TMEM9: variants seen among roughly 807,000 people sequenced by gnomAD.
The protein encoded by TMEM9 is transmembrane protein 9.
Under a neutral mutation model 22.8 loss-of-function variants are expected in TMEM9, and 13 were observed. That is an observed-to-expected ratio of 0.57 (90% CI 0.37 to 0.91). TMEM9 has a LOEUF of 0.91. Ranked by LOEUF, TMEM9 falls within the 40% of genes least tolerant of loss-of-function variation. TMEM9 has a pLI of 0.01. For missense variants in TMEM9, 182 were observed against 238.1 expected, an observed-to-expected ratio of 0.76 and a Z score of 1.55; for synonymous variants, 88 against 93.0, an observed-to-expected ratio of 0.95 and a Z score of 0.31.
chr1:201,151,083 C>CCCA (rs1359348174), intron 2 of TMEM9, among the ~76,000 whole-genome samples: 2 of 152,178 alleles, frequency 1.3e-5, no homozygotes, highest in Non-Finnish European at 2.9e-5. Flanking sequence ...AGTACCTGCT[C>CCCA]CCACATGTCC....
chr1:201,138,226 C>T (rs1337231895), intron 4 of TMEM9, among the ~76,000 whole-genome samples: 1 of 152,160 alleles, frequency 6.6e-6, no homozygotes, highest in East Asian at 1.9e-4. Context: ...AAGGGGAAGC[C>T]AGGGAGAGCC....
At chr1:201,158,914 A>G (rs1335173821), upstream of TMEM9, among the ~76,000 whole-genome samples, 3 of 152,004 alleles carry the variant, frequency 2.0e-5, no homozygotes, top group African/African-American at 4.8e-5. Context: ...CCCTGTCCCT[A>G]CCGTTGGTGC....
chr1:201,151,460 ACC>A (rs1558115011), intron 2 of TMEM9, among the ~76,000 whole-genome samples: 1 of 152,224 alleles, frequency 6.6e-6, no homozygotes, highest in African/African-American at 2.4e-5. Flanking sequence ...CAGAATACCT[ACC>A]TTTGCCAACT....
Position 201,153,978 on chromosome 1 carries a change from A to T in TMEM9, c.-55T>A. On this transcript the variant is annotated 5_prime_UTR_variant, in exon 1 of 5. Transcript: ENST00000367330. ...CGGACACCTGGAAAAAGAGATACGG[A>T]GTCGGAGAAGGGGAAGGTGGCCACA... The T allele has an allele frequency of 6.4e-7, 1 of 1,563,286 alleles. No homozygotes were observed. The highest frequency in any genetic ancestry group is 2.3e-5 in the East Asian group (1 of 44,022).
At position 201,162,480 on chromosome 1, in the gene TMEM9, C is replaced by T. The variant is rs1425822880; in HGVS notation, c.-36-8521G>A. On this transcript the variant is annotated intron_variant, in intron 1 of 5. Coordinates refer to the TMEM9 transcript ENST00000367333. ...TGACAAAAGTGTATAAGCAATGAAGCGGAGGAAAGATAGCCTTTCAATGAA... is the reference window on the plus strand; with the variant it reads ...TGACAAAAGTGTATAAGCAATGAAGTGGAGGAAAGATAGCCTTTCAATGAA... 7.5e-5 allele frequency among the ~76,000 whole-genome samples: 11 copies of T among 145,802 alleles called. No individual in the cohort carries two copies. In the South Asian group the frequency reaches 1.5e-3, roughly 20 times the overall value.
chr1:201,157,040 A>G (rs1665816239), upstream of TMEM9, among the ~76,000 whole-genome samples: 1 of 152,190 alleles, frequency 6.6e-6, no homozygotes, highest in East Asian at 1.9e-4. Flanking sequence ...ACACACAAAG[A>G]GTGAGGTTAA....
intron 4 of TMEM9, among the ~76,000 whole-genome samples, chr1:201,137,797 C>T (rs1183782769): frequency 1.3e-5 from 2 of 152,222 alleles, no homozygotes; most frequent in Non-Finnish European, 2.9e-5. Context: ...ATATCAGAGC[C>T]TAGCTCTGGA....
Position 201,153,847 on chromosome 1 carries a change from ACCT to A in TMEM9, c.66+8_66+10del, listed in dbSNP as rs1665630680. ...GGTCGTGACCAGGTGCTGCAGGCTC[ACCT>A]CCCTCACCTTGTTGGCTTCAGCTGG... On this transcript the variant is annotated splice_region_variant and intron_variant, in intron 1 of 4. Transcript: ENST00000367330. The A allele has an allele frequency of 6.2e-7, 1 of 1,613,984 alleles. No homozygotes were observed. The highest frequency in any genetic ancestry group is 2.2e-5 in the East Asian group (1 of 44,864).
chr1:201,148,699 T>C (rs1241164309), intron 2 of TMEM9, among the ~76,000 whole-genome samples: 3 of 152,334 alleles, frequency 2.0e-5, no homozygotes, highest in East Asian at 1.9e-4. Flanking sequence ...AGACCATGTG[T>C]TGGATTAAGA....
intron 1 of TMEM9, among the ~76,000 whole-genome samples, chr1:201,152,138 G>C (rs1464458388): frequency 6.7e-6 from 1 of 148,956 alleles, no homozygotes; most frequent in Admixed American, 6.7e-5. Flanking sequence ...AGAGGAATGC[G>C]GGGAGAGGGA....
At chr1:201,153,134 T>A (rs1380093772) in intron 1 of TMEM9, among the ~76,000 whole-genome samples, 1 of 152,226 alleles carries the variant, frequency 6.6e-6, no homozygotes, top group Non-Finnish European at 1.5e-5. Context: ...GATACAGGTA[T>A]TCTGGTGATG....
upstream of TMEM9, among the ~76,000 whole-genome samples, chr1:201,155,875 G>A (rs1031298495): frequency 6.6e-6 from 1 of 152,192 alleles, no homozygotes; most frequent in African/African-American, 2.4e-5. Context: ...ACCTAGAACA[G>A]CATCTGACAC....
At chr1:201,157,189 A>G (rs926891285), upstream of TMEM9, among the ~76,000 whole-genome samples, 3 of 152,346 alleles carry the variant, frequency 2.0e-5, no homozygotes, top group African/African-American at 7.2e-5. Context: ...TCTCATCTAT[A>G]CAGGGCATCT....
intron 2 of TMEM9, among the ~76,000 whole-genome samples, chr1:201,147,269 T>C (rs1374461285): frequency 2.0e-5 from 3 of 152,158 alleles, no homozygotes; most frequent in Non-Finnish European, 2.9e-5. Context: ...ACTATGTGCA[T>C]GTCCCATAGA....
At position 201,164,720 on chromosome 1, in the gene TMEM9, C is replaced by A. The variant is rs539916686; in HGVS notation, c.-37+6770G>T. On this transcript the variant is annotated intron_variant, in intron 1 of 5. Coordinates refer to the TMEM9 transcript ENST00000367333. Reference sequence around the variant, plus strand: ...TCTTGGCTCGGCTTTCCTCTGGGAACGTGCTTTATTCTCAGACAGGATCAT... The same window carrying A: ...TCTTGGCTCGGCTTTCCTCTGGGAAAGTGCTTTATTCTCAGACAGGATCAT... Among the ~76,000 whole-genome samples the A allele has an allele frequency of 7.2e-5, 11 of 152,266 alleles. No homozygotes were observed. In the East Asian group the frequency reaches 7.7e-4, roughly 11 times the overall value.
At chr1:201,136,633 T>C (rs2102217078) in intron 4 of TMEM9, among the ~76,000 whole-genome samples, 1 of 152,268 alleles carries the variant, frequency 6.6e-6, no homozygotes, top group East Asian at 1.9e-4. Context: ...CCCCTTTGCT[T>C]TCAGAACTGT....
At chr1:201,143,515 T>C (rs956851761) in intron 4 of TMEM9, among the ~76,000 whole-genome samples, 4 of 152,168 alleles carry the variant, frequency 2.6e-5, no homozygotes, top group Non-Finnish European at 4.4e-5. Flanking sequence ...GGGGATATCA[T>C]GTGTATCTAT....
intron 4 of TMEM9, among the ~76,000 whole-genome samples, chr1:201,142,943 G>A (rs916781242): frequency 1.3e-5 from 2 of 152,224 alleles, no homozygotes; most frequent in African/African-American, 4.8e-5. Flanking sequence ...CAGCATGGAG[G>A]TACACCACGT....
At position 201,154,110 on chromosome 1, in the gene TMEM9, T is replaced by G; in HGVS notation, c.-187A>C. 3.0e-6 allele frequency: 2 copies of G among 655,754 alleles called. No individual in the cohort carries two copies. The highest frequency in any genetic ancestry group is 2.5e-6 in the Non-Finnish European group (1 of 401,104). 40.6% of individuals were successfully genotyped at this position (655,754 alleles called of 1,614,324 possible). A position where few individuals can be genotyped will look rare whatever the true frequency, so the allele number is the denominator to read the frequency against. On this transcript the variant is annotated 5_prime_UTR_variant, in exon 1 of 5. Coordinates refer to ENST00000367330, the MANE Select transcript of TMEM9 (RefSeq NM_001288565.2). ...GCTAAACCTGGTCGCCAAACCCTGC[T>G]TCCCTCCCGCCCAACTCTCCGGCTC...
Sources: allele counts gnomAD v4.1 joint callset (sites outside exome capture counted in the v4.1 genomes callset), GRCh38; gene constraint gnomAD v4.1.1; transcripts MANE v1.5; gene names NCBI Gene and HGNC (gene_info 2026-07-23, HGNC 2026-07-21).